EDA: variants seen among roughly 807,000 people sequenced by gnomAD.
EDA encodes the protein ectodysplasin A, also known as ectodysplasin-A.
In EDA, 2 loss-of-function variants were observed where a neutral mutation model predicts 23.6. The observed-to-expected ratio is 0.08, with a 90% CI of 0.03 to 0.27. The LOEUF is 0.27. Among genes scored for constraint, EDA ranks in the 10% least tolerant of loss-of-function variants. EDA has a pLI of 1.00. For synonymous variants in EDA, 131 were observed against 132.0 expected (o/e 0.99, Z 0.05); for missense variants, 229 against 324.2 (o/e 0.71, Z 2.26).
chrX:69,663,425 T>C (rs1207517835), intron 1 of EDA, among the ~76,000 whole-genome samples: 1 of 112,293 alleles, frequency 8.9e-6, no homozygotes, highest in Non-Finnish European at 1.9e-5. Flanking sequence ...GCAGCTTCCA[T>C]GTGGTATTGA....
At chrX:69,796,584 A>G (rs978538933) in intron 1 of EDA, among the ~76,000 whole-genome samples, 10 of 112,356 alleles carry the variant, frequency 8.9e-5, no homozygotes, top group African/African-American at 3.2e-4. Context: ...TGTCCCCACC[A>G]TGAATGCAAA....
At chrX:69,836,759 A>T (rs953963253) in intron 1 of EDA, among the ~76,000 whole-genome samples, 12 of 111,941 alleles carry the variant, frequency 1.1e-4, no homozygotes, top group Non-Finnish European at 1.5e-4. Flanking sequence ...ATCCAGTCTC[A>T]ATGAGTTGAA....
At chrX:69,668,191 G>T (rs1474739953) in intron 1 of EDA, among the ~76,000 whole-genome samples, 2 of 112,076 alleles carry the variant, frequency 1.8e-5, no homozygotes, top group African/African-American at 3.2e-5. Context: ...ATTATCGCTT[G>T]TCTCAAGATA....
chrX:69,861,219 C>A, intron 1 of EDA: 1 of 209,100 alleles, frequency 4.8e-6, no homozygotes, highest in Non-Finnish European at 8.8e-6. Flanking sequence ...CAAACATTGG[C>A]TTTATAAAAC....
chrX:69,637,689 A>G (rs1338922950), intron 1 of EDA, among the ~76,000 whole-genome samples: 1 of 111,539 alleles, frequency 9.0e-6, no homozygotes, highest in Non-Finnish European at 1.9e-5. Flanking sequence ...CTTCGTCTAT[A>G]ATAAAGATAA....
chrX:69,966,399 G>C (rs2019173513), intron 2 of EDA, among the ~76,000 whole-genome samples: 1 of 110,336 alleles, frequency 9.1e-6, no homozygotes, highest in Admixed American at 9.7e-5. Flanking sequence ...GGCTAACATG[G>C]TGAAACCCCG....
At chrX:69,771,357 C>G (rs1459588430) in intron 1 of EDA, among the ~76,000 whole-genome samples, 1 of 111,237 alleles carries the variant, frequency 9.0e-6, no homozygotes, top group African/African-American at 3.3e-5. Context: ...CACACCTGGC[C>G]AAGAAAGGAA....
chrX:69,736,010 GAA>G (rs11316346), intron 1 of EDA, among the ~76,000 whole-genome samples: 32,420 of 102,356 alleles, frequency 0.32, 4,860 homozygotes, highest in Middle Eastern at 0.58. Flanking sequence ...ATCTGCAAGA[GAA>G]AAAAAAAAAA....
chrX:69,691,515 T>G (rs1325583918), intron 1 of EDA, among the ~76,000 whole-genome samples: 1 of 112,062 alleles, frequency 8.9e-6, no homozygotes, highest in Non-Finnish European at 1.9e-5. Context: ...TTTAGGCATA[T>G]AACCAATTTC....
At chrX:69,682,394 G>A (rs1046353921) in intron 1 of EDA, among the ~76,000 whole-genome samples, 1 of 112,629 alleles carries the variant, frequency 8.9e-6, no homozygotes, top group Non-Finnish European at 1.9e-5. Flanking sequence ...GCAAGCCTGG[G>A]CAATGGCGGG....
At chrX:69,935,191 T>C (rs951624441) in intron 1 of EDA, among the ~76,000 whole-genome samples, 2 of 112,431 alleles carry the variant, frequency 1.8e-5, no homozygotes, top group African/African-American at 6.5e-5. Context: ...CATTCATCTG[T>C]TGATAGATAC....
rs1371743242 is a variant in EDA at position 69,888,977 on chromosome X, GTTATATATATAT to G, written c.397-68049_397-68038del. Among the ~76,000 whole-genome samples the G allele has an allele frequency of 0.01, 135 of 13,238 alleles. 6 individuals are homozygous for G. The East Asian group carries it at 0.2, about 20-fold the overall frequency. 11.5% of individuals were successfully genotyped at this position (13,238 alleles called of 115,157 possible). On this transcript the variant is annotated intron_variant, in intron 1 of 7. Coordinates refer to ENST00000374552, the MANE Select transcript of EDA (RefSeq NM_001399.5). ...AGTGGAATTGTTGTATTGTGGGGTA[GTTATATATATAT>G]ATATATATATATATATATATATATA...
intron 1 of EDA, among the ~76,000 whole-genome samples, chrX:69,672,806 C>T (rs368941902): frequency 9.3e-6 from 1 of 107,884 alleles, no homozygotes; most frequent in African/African-American, 3.4e-5. Context: ...GGCATGAACC[C>T]GGGAGGCAGA....
At chrX:69,711,971 G>A in intron 1 of EDA, among the ~76,000 whole-genome samples, 1 of 110,903 alleles carries the variant, frequency 9.0e-6, no homozygotes, top group Non-Finnish European at 1.9e-5. Context: ...TTTTTTTGAA[G>A]GGTTTTTTGT....
chrX:69,737,871 A>G (rs927901053), intron 1 of EDA, among the ~76,000 whole-genome samples: 27 of 109,626 alleles, frequency 2.5e-4, no homozygotes, highest in Non-Finnish European at 1.3e-4. Context: ...TTTTTCTTTC[A>G]TCACTTCAAA....
intron 2 of EDA, among the ~76,000 whole-genome samples, chrX:70,011,876 A>G (rs2019881330): frequency 8.9e-6 from 1 of 111,757 alleles, no homozygotes; most frequent in Admixed American, 9.5e-5. Context: ...GTAGAGACAG[A>G]GTATGTAGTG....
At chrX:70,018,964 G>A (rs1486703404) in intron 2 of EDA, among the ~76,000 whole-genome samples, 3 of 111,651 alleles carry the variant, frequency 2.7e-5, no homozygotes, top group African/African-American at 9.8e-5. Flanking sequence ...GATATATCCA[G>A]TATCTATAAG....
At chrX:69,813,350 A>G (rs1402464844) in intron 1 of EDA, among the ~76,000 whole-genome samples, 1 of 110,773 alleles carries the variant, frequency 9.0e-6, no homozygotes, top group Non-Finnish European at 1.9e-5. Context: ...GGAATCCATC[A>G]CCCCACACCA....
At chrX:69,912,323 A>G (rs2018278231) in intron 1 of EDA, among the ~76,000 whole-genome samples, 1 of 111,295 alleles carries the variant, frequency 9.0e-6, no homozygotes, top group South Asian at 3.8e-4. Context: ...TGATATTTTG[A>G]CCTGCTTCCA....
Sources: gnomAD v4.1 joint callset for allele counts (sites outside exome capture counted in the v4.1 genomes callset) on GRCh38, gnomAD v4.1.1 for gene constraint, MANE v1.5 for transcripts, NCBI Gene and HGNC (gene_info 2026-07-23, HGNC 2026-07-21) for gene names.